Variants in EYA2 observed in about 807,000 individuals in gnomAD.
The protein encoded by EYA2 is EYA transcriptional coactivator and phosphatase 2.
In EYA2, 31 loss-of-function variants were observed where a neutral mutation model predicts 69.2. The ratio of observed to expected loss-of-function variants is 0.45; its 90% confidence interval spans 0.34 to 0.60. EYA2 has a LOEUF of 0.60. Ranked by LOEUF, EYA2 falls within the 20% of genes least tolerant of loss-of-function variation. The probability of loss-of-function intolerance (pLI) is 0.02; values close to 1 mark genes in which losing one functional copy is unlikely to be tolerated. For missense variants in EYA2, 622 were observed against 701.2 expected, an observed-to-expected ratio of 0.89 and a Z score of 1.28; for synonymous variants, 257 against 279.4, an observed-to-expected ratio of 0.92 and a Z score of 0.80.
intron 9 of EYA2, among the ~76,000 whole-genome samples, chr20:47,111,555 T>C (rs1273384607): frequency 1.4e-4 from 21 of 152,160 alleles, no homozygotes; most frequent in Admixed American, 1.4e-3. Context: ...GCCTAAGAAG[T>C]GTTCCTTTCA....
At chr20:47,052,119 A>G (rs1430296189) in intron 5 of EYA2, among the ~76,000 whole-genome samples, 1 of 152,188 alleles carries the variant, frequency 6.6e-6, no homozygotes, top group Non-Finnish European at 1.5e-5. Flanking sequence ...TGAACAAAAG[A>G]CAGCCTCTGC....
Position 47,170,555 on chromosome 20 carries a change from G to C in EYA2, c.1037+1358G>C, listed in dbSNP as rs970364407. Among the ~76,000 whole-genome samples, 136 of 151,818 alleles carry C rather than the reference G, an allele frequency of 9.0e-4. 3 individuals are homozygous for C. Among genetic ancestry groups the C allele is most frequent in the African/African-American group, 3.2e-3 (132 of 41,336 alleles). On this transcript the variant is annotated intron_variant, in intron 11 of 15. Transcript: ENST00000327619. ...CCAGCTACTTGGGAGGCTGAGGCAG[G>C]AGAATTGCTTGAACCCAGGAGGCGG... is the stretch of plus-strand genomic sequence containing the variant.
chr20:47,009,200 CACAT>C (rs996363845), intron 4 of EYA2, among the ~76,000 whole-genome samples: 2 of 152,210 alleles, frequency 1.3e-5, no homozygotes, highest in African/African-American at 2.4e-5. Context: ...CACGCACACA[CACAT>C]ACACACACAC....
chr20:47,024,116 T>C (rs1983940656), intron 5 of EYA2, among the ~76,000 whole-genome samples: 1 of 152,254 alleles, frequency 6.6e-6, no homozygotes, highest in African/African-American at 2.4e-5. Context: ...CATATTTTTC[T>C]GCTTCCCTGC....
chr20:47,159,542 C>T (rs1281062035), intron 10 of EYA2, among the ~76,000 whole-genome samples: 1 of 152,006 alleles, frequency 6.6e-6, no homozygotes, highest in African/African-American at 2.4e-5. Context: ...CCTTAAAAAT[C>T]TGAATAAGTA....
chr20:46,957,236 G>A (rs1169514994), intron 1 of EYA2, among the ~76,000 whole-genome samples: 1 of 152,124 alleles, frequency 6.6e-6, no homozygotes, highest in African/African-American at 2.4e-5. Context: ...GCGGGTTACT[G>A]TACCCCTTCC....
At chr20:47,169,846 A>G (rs2034282864) in intron 11 of EYA2, among the ~76,000 whole-genome samples, 1 of 152,160 alleles carries the variant, frequency 6.6e-6, no homozygotes, top group African/African-American at 2.4e-5. Flanking sequence ...CAGTCTTCGT[A>G]AGGAGGCAGC....
chr20:47,030,004 C>T lies in EYA2; in HGVS notation c.415+13707C>T, dbSNP rs541515846. On this transcript the variant is annotated intron_variant, in intron 5 of 15. Coordinates refer to ENST00000327619, the MANE Select transcript of EYA2 (RefSeq NM_005244.5). ...GTCATAGGTCTCTGTCCCAATTACT[C>T]GTAACTCTGTCATTGTAGATTGAAA... Among the ~76,000 whole-genome samples, 36 of 152,228 alleles carry T rather than the reference C, an allele frequency of 2.4e-4. 1 individual carries two copies. The East Asian group carries it at 5.8e-3, about 25-fold the overall frequency.
At chr20:47,171,000 C>T (rs557689785) in intron 11 of EYA2, among the ~76,000 whole-genome samples, 4 of 152,218 alleles carry the variant, frequency 2.6e-5, no homozygotes, top group Non-Finnish European at 5.9e-5. Flanking sequence ...ATCAGCCATT[C>T]GGAAAATCCC....
chr20:47,161,179 CT>C, intron 10 of EYA2: 1 of 418,296 alleles, frequency 2.4e-6, no homozygotes, highest in Non-Finnish European at 4.4e-6. Flanking sequence ...GGCCTGTCAC[CT>C]TACAAGGGAC....
chr20:46,996,198 CA>C (rs1982010702), intron 2 of EYA2, among the ~76,000 whole-genome samples: 1 of 152,234 alleles, frequency 6.6e-6, no homozygotes, highest in African/African-American at 2.4e-5. Context: ...CACAATTGCA[CA>C]TAAGTATGCA....
chr20:46,983,352 G>C (rs977576309), intron 1 of EYA2, among the ~76,000 whole-genome samples: 2 of 152,170 alleles, frequency 1.3e-5, no homozygotes, highest in Non-Finnish European at 2.9e-5. Flanking sequence ...GGCTATTGAT[G>C]ATAGTAGAGG....
rs1978767828 is a variant in EYA2 at position 46,951,082 on chromosome 20, T to TTTCA, written c.-10-38918_-10-38917insTCAT. 2.0e-5 allele frequency among the ~76,000 whole-genome samples: 3 copies of TTTCA among 152,104 alleles called. No homozygotes were observed. In the South Asian group the frequency reaches 6.2e-4, roughly 32 times the overall value. ...CATTGCACTTGCTGCCGTTTGGAAG[T>TTTCA]TGGATGGTTTTCATGGAAATGGTAT... On this transcript the variant is annotated intron_variant, in intron 1 of 15. Transcript: ENST00000327619.
rs368624122 is a variant in EYA2, at chr20:47,087,852, G to A, written c.662-1387G>A. Among the ~76,000 whole-genome samples the A allele has an allele frequency of 8.5e-5, 13 of 152,358 alleles. No individual in the cohort carries two copies. In the South Asian group the frequency reaches 1.0e-3, roughly 12 times the overall value. Reference sequence around the variant, plus strand: ...GTCACCTCCTAACTGCCAGGCCTGTGCTAGATGCTCTCGCCTATATAATCT... The same window carrying A: ...GTCACCTCCTAACTGCCAGGCCTGTACTAGATGCTCTCGCCTATATAATCT... On this transcript the variant is annotated intron_variant, in intron 7 of 15. Coordinates refer to ENST00000327619, the MANE Select transcript of EYA2 (RefSeq NM_005244.5).
intron 9 of EYA2, among the ~76,000 whole-genome samples, chr20:47,124,489 G>T (rs116797868): frequency 7.1e-4 from 108 of 152,322 alleles, no homozygotes; most frequent in African/African-American, 2.5e-3. Context: ...CAGAAAGCAC[G>T]TGGTGTTGAT....
rs35187186 is a variant in EYA2, at chr20:47,063,392, CGTGTGTGTGT to C, written c.416-8764_416-8755del. Among the ~76,000 whole-genome samples the C allele has an allele frequency of 4.6e-3, 654 of 143,466 alleles. 4 individuals are homozygous for C. The highest frequency in any genetic ancestry group is 0.021 in the Middle Eastern group (6 of 284). 94.1% of individuals were successfully genotyped at this position (143,466 alleles called of 152,430 possible). ...GTTTATTTGTGTGTGTGTGCGTGTG[CGTGTGTGTGT>C]GTGTGTGTGTGTGTGTGTGTGTGTG... On this transcript the variant is annotated intron_variant, in intron 5 of 15. Coordinates refer to ENST00000327619, the MANE Select transcript of EYA2 (RefSeq NM_005244.5).
At chr20:46,978,306 C>G (rs772192436) in intron 1 of EYA2, 7 of 293,978 alleles carry the variant, frequency 2.4e-5, no homozygotes, top group Non-Finnish European at 4.1e-5. Context: ...TCACAAACAC[C>G]TGTAAAAACT....
chr20:46,969,037 T>C lies in EYA2; in HGVS notation c.-10-20964T>C, dbSNP rs2146297270. On this transcript the variant is annotated intron_variant, in intron 1 of 15. Transcript: ENST00000327619. ...GTGATGATTTGACCTACACGGCTCT[T>C]TCTTGTCTGTTTTCAGCTAACAGGA... is the stretch of plus-strand genomic sequence containing the variant. 5.3e-5 allele frequency among the ~76,000 whole-genome samples: 8 copies of C among 152,190 alleles called. 1 individual carries two copies. In the South Asian group the frequency reaches 1.7e-3, roughly 32 times the overall value.
intron 10 of EYA2, among the ~76,000 whole-genome samples, chr20:47,147,489 G>T (rs1397496520): frequency 2.6e-5 from 4 of 152,196 alleles, no homozygotes; most frequent in Non-Finnish European, 5.9e-5. Context: ...TCCAGAAACT[G>T]GGAGGAAACC....
Sources: allele counts gnomAD v4.1 joint callset (sites outside exome capture counted in the v4.1 genomes callset), GRCh38; gene constraint gnomAD v4.1.1; transcripts MANE v1.5; gene names NCBI Gene and HGNC (gene_info 2026-07-23, HGNC 2026-07-21).